Variants in IZUMO3 observed in about 807,000 individuals in gnomAD.
The protein encoded by IZUMO3 is IZUMO family member 3, also known as izumo sperm-egg fusion protein 3.
In IZUMO3, 36 loss-of-function variants were observed where a neutral mutation model predicts 28.4. The ratio of observed to expected loss-of-function variants is 1.27; its 90% confidence interval spans 0.97 to 1.67. The LOEUF is 1.67. Among genes scored for constraint, IZUMO3 ranks in the 40% most tolerant of loss-of-function variants. IZUMO3 has a pLI of 0.00. For missense variants in IZUMO3, 387 were observed against 278.5 expected, an observed-to-expected ratio of 1.39 and a Z score of -2.77; for synonymous variants, 126 against 99.2, an observed-to-expected ratio of 1.27 and a Z score of -1.61.
chr9:24,543,335 A>T lies in IZUMO3; in HGVS notation c.614T>A (p.Met205Lys), dbSNP rs1819493780. ...FHFCIFHRRK[M>K]KAIRRSLKEY... Reference sequence around the variant, plus strand: ...CTTTAGCGACCTTCGTATTGCCTTCATTTTCCTCCGATGAAAGATGCAAAA... The same window carrying T: ...CTTTAGCGACCTTCGTATTGCCTTCTTTTTCCTCCGATGAAAGATGCAAAA... The change falls in exon 7 of 7, where the codon ATG (methionine) becomes AAG (lysine). Residue 205 changes from methionine to lysine, a missense_variant. Coordinates refer to ENST00000543880, the MANE Select transcript of IZUMO3 (RefSeq NM_001365008.2). 2 of 1,542,666 alleles carry T rather than the reference A, an allele frequency of 1.3e-6. No homozygotes were observed. The highest frequency in any genetic ancestry group is 1.7e-6 in the Non-Finnish European group (2 of 1,144,246).
chr9:24,545,856 A>G lies in IZUMO3; in HGVS notation c.-207T>C, dbSNP rs2117962456. On this transcript the variant is annotated 5_prime_UTR_variant, in exon 1 of 7. Coordinates refer to ENST00000543880, the MANE Select transcript of IZUMO3 (RefSeq NM_001365008.2). The stretch of plus-strand genomic sequence containing the variant: ...TTTACTGACTATTATCCTTCATTCT[A>G]GGAGAGGGAACTGCCAGCTGGGGAG... The G allele has an allele frequency of 6.6e-7, 1 of 1,526,530 alleles. No homozygotes were observed. Among genetic ancestry groups the G allele is most frequent in the African/African-American group, 1.4e-5 (1 of 72,596 alleles). 94.6% of individuals were successfully genotyped at this position (1,526,530 alleles called of 1,614,324 possible). A position where few individuals can be genotyped will look rare whatever the true frequency, so the allele number is the denominator to read the frequency against.
rs528479415 is a variant in IZUMO3, at chr9:24,544,216, C to T, written c.475G>A (p.Gly159Arg). ...CLRMTNRCFK[G>R]EYCGDEDPRK... ...TCTTTGTTACCTCCACAATATTCTC[C>T]TTTGAAGCACCTGTTAGTCATGCGA... The change falls in exon 5 of 7, where the codon GGA becomes AGA. Residue 159 changes from glycine to arginine, a missense_variant. By Grantham distance (125) the Gly-to-Arg change is moderately radical (BLOSUM62 -2). Transcript: ENST00000543880. The T allele has an allele frequency of 2.6e-6, 4 of 1,549,488 alleles. No homozygotes were observed. In the African/African-American group the frequency reaches 5.5e-5, roughly 21 times the overall value.
Position 24,545,286 on chromosome 9 carries a change from G to A in IZUMO3, c.227C>T (p.Ala76Val). 1 of 1,549,932 alleles carries A rather than the reference G, an allele frequency of 6.5e-7. No individual in the cohort carries two copies. The highest frequency in any genetic ancestry group is 1.4e-5 in the African/African-American group (1 of 73,104). Reference protein sequence around the residue: ...SHSDKRLRVLAVQQVVKLRTW... With the variant: ...SHSDKRLRVLVVQQVVKLRTW... Reference sequence around the variant, plus strand: ...TCTCAACTTAACAACCTGCTGAACAGCTAGAGAGGGAGAGTAAAGGTACAT... The same window carrying A: ...TCTCAACTTAACAACCTGCTGAACAACTAGAGAGGGAGAGTAAAGGTACAT... The change falls in exon 2 of 7, where the codon GCT (alanine) becomes GTT (valine). Residue 76 changes from alanine to valine, a missense_variant and splice_region_variant. Coordinates refer to ENST00000543880, the MANE Select transcript of IZUMO3 (RefSeq NM_001365008.2).
chr9:24,543,742 C>A lies in IZUMO3; in HGVS notation c.503G>T (p.Arg168Ile). 6.5e-7 allele frequency: 1 copy of A among 1,548,016 alleles called. No homozygotes were observed. Among genetic ancestry groups the A allele is most frequent in the Non-Finnish European group, 8.7e-7 (1 of 1,144,972 alleles). Residue 168 changes from arginine to isoleucine, a missense_variant, in exon 6 of 7, where the codon AGA becomes ATA. Physicochemically the swap from Arg to Ile is moderately conservative, Grantham distance 97. Transcript: ENST00000543880. ...AGCAATCTCTCGATTCTCAGCCTTT[C>A]TTGGATCCTCGTCTGGAAGGAGAAA... ...KGEYCGDEDP[R>I]KAENREIALF... is the part of the protein sequence containing the mutation.
chr9:24,543,810 G>T, intron 5 of IZUMO3, 56 bp from the exon 6 acceptor site: 1 of 1,140,172 alleles, frequency 8.8e-7, no homozygotes. Context: ...GAAATAGCTT[G>T]TGACATTTAT....
rs1296072831 is a variant in IZUMO3 at position 24,545,639 on chromosome 9, A to G, written c.11T>C (p.Leu4Pro). Reference protein sequence around the residue: MGDLWLFLLLPLSA... With the variant: MGDPWLFLLLPLSA... ...GAGGGGCAGGAGCAGGAATAACCAC[A>G]GGTCACCCATTTCTTTCTTCACCCC... The change falls in exon 1 of 7, where the codon CTG (leucine) becomes CCG (proline). Residue 4 changes from leucine to proline, a missense_variant. By Grantham distance (98) the Leu-to-Pro change is moderately conservative. Transcript: ENST00000543880. 2 of 1,535,068 alleles carry G rather than the reference A, an allele frequency of 1.3e-6. No homozygotes were observed. Among genetic ancestry groups the G allele is most frequent in the Non-Finnish European group, 1.7e-6 (2 of 1,146,662 alleles).
At position 24,545,116 on chromosome 9, in the gene IZUMO3, G is replaced by C. The variant is rs1490784897; in HGVS notation, c.302-55C>G. ...ATAGAAGTAGCTCTTCCCTTCAGAA[G>C]TTAATTATGTCTGTTTTTATCTTTG... On this transcript the variant is annotated intron_variant, in intron 2 of 6. Transcript: ENST00000543880. 2.7e-6 allele frequency: 4 copies of C among 1,472,668 alleles called. No individual in the cohort carries two copies. The African/African-American group carries it at 4.2e-5, about 16-fold the overall frequency. 91.2% of individuals were successfully genotyped at this position (1,472,668 alleles called of 1,614,324 possible).
chr9:24,545,665 C>G lies in IZUMO3; in HGVS notation c.-16G>C, dbSNP rs142892582. ...GGTCACCCATTTCTTTCTTCACCCCCGCTCCCCGACAGCAGGTTGTCCTGG... is the reference window on the plus strand; with the variant it reads ...GGTCACCCATTTCTTTCTTCACCCCGGCTCCCCGACAGCAGGTTGTCCTGG... On this transcript the variant is annotated 5_prime_UTR_variant, in exon 1 of 7. Coordinates refer to ENST00000543880, the MANE Select transcript of IZUMO3 (RefSeq NM_001365008.2). The G allele has an allele frequency of 7.2e-6, 11 of 1,534,686 alleles. No individual in the cohort carries two copies. The East Asian group carries it at 2.0e-4, about 27-fold the overall frequency.
Position 24,545,532 on chromosome 9 carries a change from T to C in IZUMO3, c.118A>G (p.Ile40Val), listed in dbSNP as rs1284898623. 6.5e-7 allele frequency: 1 copy of C among 1,535,298 alleles called. No homozygotes were observed. The highest frequency in any genetic ancestry group is 2.0e-5 in the Admixed American group (1 of 50,968). ...GTTCGGCCGGGGACTTCTGAAGGTA[T>C]CAGATTTCCCAGCAAGGAGCCAACA... ...EDVGSLLGNL[I>V]PSEVPGRTQL... is the part of the protein sequence containing the mutation. Residue 40 changes from isoleucine to valine, a missense_variant, in exon 1 of 7, where the codon ATA (isoleucine) becomes GTA (valine). Ile to Val is a conservative substitution (Grantham distance 29). Coordinates refer to ENST00000543880, the MANE Select transcript of IZUMO3 (RefSeq NM_001365008.2).
At chr9:24,544,153 C>A in intron 5 of IZUMO3, 48 bp downstream of exon 5, 1 of 1,282,724 alleles carries the variant, frequency 7.8e-7, no homozygotes, top group South Asian at 1.3e-5. Flanking sequence ...AGCAACCCTG[C>A]TCCTTAATCC....
intron 4 of IZUMO3, 92 bp downstream of exon 4, chr9:24,544,651 G>T: frequency 8.9e-7 from 1 of 1,128,386 alleles, no homozygotes; most frequent in Non-Finnish European, 1.3e-6. Context: ...TGGTTTCCCA[G>T]TGTAACAGGT....
intron 3 of IZUMO3, 48 bp downstream of exon 3, chr9:24,544,924 A>T: frequency 7.1e-7 from 1 of 1,413,474 alleles, no homozygotes; most frequent in Non-Finnish European, 9.8e-7. Flanking sequence ...CGCATTTTCT[A>T]TTCCCTTCAT....
rs575571648 is a variant in IZUMO3 at position 24,545,528 on chromosome 9, G to A, written c.122C>T (p.Pro41Leu). Residue 41 changes from proline (P) to leucine (L), a missense_variant, in exon 1 of 7, where the codon CCT becomes CTT. Physicochemically the swap from Pro to Leu is moderately conservative, Grantham distance 98. Transcript: ENST00000543880. ...CTGAGTTCGGCCGGGGACTTCTGAA[G>A]GTATCAGATTTCCCAGCAAGGAGCC... ...DVGSLLGNLI[P>L]SEVPGRTQLL... The A allele has an allele frequency of 6.5e-7, 1 of 1,535,294 alleles. No individual in the cohort carries two copies. Among genetic ancestry groups the A allele is most frequent in the Non-Finnish European group, 8.7e-7 (1 of 1,146,692 alleles).
rs530861833 is a variant in IZUMO3, at chr9:24,544,676, C to A, written c.409+67G>T. On this transcript the variant is annotated intron_variant, in intron 4 of 6. Transcript: ENST00000543880. Reference sequence around the variant, plus strand: ...GTGTAACAGGTGGGAGAGATAGGGCCATATAGAGCAAAGGAGATGGGAAAA... The same window carrying A: ...GTGTAACAGGTGGGAGAGATAGGGCAATATAGAGCAAAGGAGATGGGAAAA... The A allele has an allele frequency of 4.0e-5, 55 of 1,370,794 alleles. No homozygotes were observed. The East Asian group carries it at 1.3e-3, about 33-fold the overall frequency. 84.9% of individuals were successfully genotyped at this position (1,370,794 alleles called of 1,614,324 possible). A position where few individuals can be genotyped will look rare whatever the true frequency, so the allele number is the denominator to read the frequency against.
In IZUMO3 at chr9:24,545,526, A is replaced by G. The variant is rs1324968853; in HGVS notation, c.124T>C (p.Ser42Pro). Residue 42 changes from serine (S) to proline (P), a missense_variant, in exon 1 of 7, where the codon TCA becomes CCA. Physicochemically the swap from Ser to Pro is moderately conservative, Grantham distance 74 (BLOSUM62 -1). Coordinates refer to ENST00000543880, the MANE Select transcript of IZUMO3 (RefSeq NM_001365008.2). ...AGCTGAGTTCGGCCGGGGACTTCTGAAGGTATCAGATTTCCCAGCAAGGAG... is the reference window on the plus strand; with the variant it reads ...AGCTGAGTTCGGCCGGGGACTTCTGGAGGTATCAGATTTCCCAGCAAGGAG... ...VGSLLGNLIP[S>P]EVPGRTQLLE... is the part of the protein sequence containing the mutation. The G allele has an allele frequency of 1.3e-5, 20 of 1,535,178 alleles. No individual in the cohort carries two copies. Among genetic ancestry groups the G allele is most frequent in the Non-Finnish European group, 1.7e-5 (19 of 1,146,700 alleles).
At chr9:24,544,578 A>C (rs1819536574) in intron 4 of IZUMO3, among the ~76,000 whole-genome samples, 165 bp downstream of exon 4, 1 of 152,140 alleles carries the variant, frequency 6.6e-6, no homozygotes, top group Non-Finnish European at 1.5e-5. Context: ...CTGAGATTTC[A>C]TGAGCTAGGT....
At chr9:24,545,092 T>C in intron 2 of IZUMO3, 31 bp from the exon 3 acceptor site, 5 of 1,490,158 alleles carry the variant, frequency 3.4e-6, no homozygotes, top group Non-Finnish European at 4.6e-6. Context: ...TGTCAAAAAA[T>C]AGAAGTAGCT....
At position 24,543,166 on chromosome 9, in the gene IZUMO3, G is replaced by C. The variant is rs1423591715; in HGVS notation, c.*63C>G. On this transcript the variant is annotated 3_prime_UTR_variant, in exon 7 of 7. Coordinates refer to ENST00000543880, the MANE Select transcript of IZUMO3 (RefSeq NM_001365008.2). Reference sequence around the variant, plus strand: ...TGACCAAGAAAGGGTTTACCTCCCAGTTTTGTACTTAGAGTCAACACTTAA... The same window carrying C: ...TGACCAAGAAAGGGTTTACCTCCCACTTTTGTACTTAGAGTCAACACTTAA... The C allele has an allele frequency of 2.0e-5, 27 of 1,354,502 alleles. No individual in the cohort carries two copies. Among genetic ancestry groups the C allele is most frequent in the Non-Finnish European group, 2.0e-6 (2 of 1,016,426 alleles). 83.9% of individuals were successfully genotyped at this position (1,354,502 alleles called of 1,614,324 possible).
At chr9:24,543,438 G>GTT (rs33972842) in intron 6 of IZUMO3, 71 bp from the exon 7 acceptor site, 1,251 of 37,638 alleles carry the variant, frequency 0.033, 400 homozygotes, top group East Asian at 0.047. Context: ...GTTATACATT[G>GTT]TTTTTTTTTT....
Sources: allele counts gnomAD v4.1 joint callset (sites outside exome capture counted in the v4.1 genomes callset), GRCh38; gene constraint gnomAD v4.1.1; transcripts MANE v1.5; gene names NCBI Gene and HGNC (gene_info 2026-07-23, HGNC 2026-07-21).